Variants in PROKR2 observed in about 807,000 individuals in gnomAD.
The protein encoded by PROKR2 is prokineticin receptor 2.
Under a neutral mutation model 23.4 loss-of-function variants are expected in PROKR2, and 26 were observed. That is an observed-to-expected ratio of 1.11 (90% confidence interval 0.81 to 1.54). The LOEUF (loss-of-function observed/expected upper bound fraction) is 1.54, where lower values mean the gene tolerates loss of function less well. Ranked by LOEUF, PROKR2 falls within the 40% of genes most tolerant of loss-of-function variation. PROKR2 has a pLI of 0.00. For synonymous variants in PROKR2, 212 were observed against 201.2 expected (o/e 1.05, Z -0.45); for missense variants, 453 against 511.5 (o/e 0.89, Z 1.10).
At position 5,301,931 on chromosome 20, in the gene PROKR2, G is replaced by C. The variant is rs567920277; in HGVS notation, c.*109C>G. ...AGCATTCAGCTTCTTGAGGGCACGGGGGAGGCATGAACACAGATGTCATTT... is the reference window on the plus strand; with the variant it reads ...AGCATTCAGCTTCTTGAGGGCACGGCGGAGGCATGAACACAGATGTCATTT... On this transcript the variant is annotated 3_prime_UTR_variant, in exon 3 of 3. Transcript: ENST00000678254. 40 of 993,186 alleles carry C rather than the reference G, an allele frequency of 4.0e-5. No individual in the cohort carries two copies. The South Asian group carries it at 5.9e-4, about 15-fold the overall frequency. The allele number at this position is 993,186 out of a possible 1,614,324, so 61.5% of individuals were successfully genotyped here.
Position 5,314,049 on chromosome 20 carries a change from G to T in PROKR2, c.321C>A (p.Cys107Ter). Residue 107 changes from cysteine (C) to a stop codon, truncating the protein, a stop_gained, in exon 2 of 3, where the codon TGC becomes TGA. Transcript: ENST00000678254. LOFTEE classifies it high-confidence loss of function. ...ISDFLVAIIC[C>*]PFEMDYYVVR... ...CCACGTAGTAGTCCATCTCGAAGGG[G>T]CAGCAGATGATGGCCACCAGGAAGT... 2 of 1,614,214 alleles carry T rather than the reference G, an allele frequency of 1.2e-6. No homozygotes were observed. The highest frequency in any genetic ancestry group is 1.7e-6 in the Non-Finnish European group (2 of 1,180,024).
chr20:5,304,853 G>A (rs1979160105), intron 2 of PROKR2, among the ~76,000 whole-genome samples: 1 of 152,140 alleles, frequency 6.6e-6, no homozygotes, highest in Non-Finnish European at 1.5e-5. Context: ...GCTGCTCTGC[G>A]ACCTATCAGA....
intron 2 of PROKR2, among the ~76,000 whole-genome samples, chr20:5,311,125 A>C (rs1416950232): frequency 6.6e-6 from 1 of 152,176 alleles, no homozygotes; most frequent in East Asian, 1.9e-4. Context: ...ATGGATGAGT[A>C]TGGATTTCAG....
chr20:5,302,287 G>A lies in PROKR2; in HGVS notation c.908C>T (p.Thr303Ile). Residue 303 changes from threonine (T) to isoleucine (I), a missense_variant, in exon 3 of 3, where the codon ACT (threonine) becomes ATT (isoleucine). Coordinates refer to ENST00000678254, the MANE Select transcript of PROKR2 (RefSeq NM_144773.4). ...GFTIVRDFFP[T>I]VFVKEKHYLT... ...GTAGTGCTTTTCCTTCACGAACACAGTGGGGAAGAAGTCACGAACGATGGT... is the reference window on the plus strand; with the variant it reads ...GTAGTGCTTTTCCTTCACGAACACAATGGGGAAGAAGTCACGAACGATGGT... 6.2e-7 allele frequency: 1 copy of A among 1,614,260 alleles called. No individual in the cohort carries two copies. The highest frequency in any genetic ancestry group is 8.5e-7 in the Non-Finnish European group (1 of 1,180,046).
In PROKR2 at chr20:5,302,631, C is replaced by T. The variant is rs776913520; in HGVS notation, c.564G>A (p.Ser188=). The T allele has an allele frequency of 6.7e-5, 108 of 1,613,982 alleles. No homozygotes were observed. The highest frequency in any genetic ancestry group is 4.5e-4 in the Admixed American group (27 of 59,984). Residue 188 remains serine, a synonymous_variant, in exon 3 of 3, where the codon TCG becomes TCA. Transcript: ENST00000678254. ...WMVSILIAIP[S]AYFATETVLF... is the part of the protein sequence containing the mutation. ...GGACCGTTTCTGTTGCAAAGTAAGC[C>T]GATGGGATGGCAATGAGAATGGACA...
At position 5,314,346 on chromosome 20, in the gene PROKR2, G is replaced by A. The variant is rs1979575024; in HGVS notation, c.24C>T (p.Thr8=). Residue 8 remains threonine (T), a synonymous_variant, in exon 2 of 3, where the codon ACC becomes ACT. Coordinates refer to ENST00000678254, the MANE Select transcript of PROKR2 (RefSeq NM_144773.4). Reference sequence around the variant, plus strand: ...GTGGATTAAAGTTGGGTGTGAAACTGGTGTTTCCATTCTGGGCTGCCATGG... The same window carrying A: ...GTGGATTAAAGTTGGGTGTGAAACTAGTGTTTCCATTCTGGGCTGCCATGG... The part of the protein sequence containing the change: MAAQNGN[T]SFTPNFNPPQ... The A allele has an allele frequency of 6.2e-7, 1 of 1,614,140 alleles. No homozygotes were observed. Among genetic ancestry groups the A allele is most frequent in the African/African-American group, 1.3e-5 (1 of 75,040 alleles).
At chr20:5,304,673 G>A (rs76666284) in intron 2 of PROKR2, among the ~76,000 whole-genome samples, 1 of 152,206 alleles carries the variant, frequency 6.6e-6, no homozygotes, top group Non-Finnish European at 1.5e-5. Context: ...ATCACTTCAT[G>A]TGGAGAACAA....
In PROKR2 at chr20:5,299,718, G is replaced by T. The variant is rs144822137; in HGVS notation, c.*2322C>A. 1.6e-3 allele frequency among the ~76,000 whole-genome samples: 248 copies of T among 152,250 alleles called. 1 individual carries two copies. Among genetic ancestry groups the T allele is most frequent in the African/African-American group, 5.7e-3 (235 of 41,552 alleles). On this transcript the variant is annotated 3_prime_UTR_variant, in exon 3 of 3. Coordinates refer to ENST00000678254, the MANE Select transcript of PROKR2 (RefSeq NM_144773.4). ...CAATTCACTGCAACCTCTGCCTCTG[G>T]GGTTCAAGCAATTCTCATGCCTCAG...
rs939255396 is a variant in PROKR2, at chr20:5,316,910, G to A, written c.-425C>T. On this transcript the variant is annotated 5_prime_UTR_variant, in exon 1 of 3. Coordinates refer to ENST00000678254, the MANE Select transcript of PROKR2 (RefSeq NM_144773.4). This position sits in a 1 kb window ranked among gnomAD's most constrained non-coding sequence, Gnocchi z 5.0. ...CGCGCTGACGCGAGTCCCCGGCAGC[G>A]GGGGCAGCCTCTCGCACGGATTTCA... Among the ~76,000 whole-genome samples, 1 of 152,254 alleles carries A rather than the reference G, an allele frequency of 6.6e-6. No homozygotes were observed. Among genetic ancestry groups the A allele is most frequent in the African/African-American group, 2.4e-5 (1 of 41,472 alleles).
At chr20:5,314,741 C>A (rs1979593290) in intron 1 of PROKR2, among the ~76,000 whole-genome samples, 1 of 152,236 alleles carries the variant, frequency 6.6e-6, no homozygotes. Flanking sequence ...TGCACCTTTG[C>A]CCTTTGCCCA....
At chr20:5,314,950 CAGG>C (rs1979606271) in intron 1 of PROKR2, among the ~76,000 whole-genome samples, 1 of 152,198 alleles carries the variant, frequency 6.6e-6, no homozygotes, top group Non-Finnish European at 1.5e-5. Flanking sequence ...CTCTCCAAAG[CAGG>C]ACACCACTCC....
chr20:5,300,638 C>T lies in PROKR2; in HGVS notation c.*1402G>A, dbSNP rs1230757627. On this transcript the variant is annotated 3_prime_UTR_variant, in exon 3 of 3. Transcript: ENST00000678254. ...TTTCATCATCGCCATTTCATTAAAG[C>T]AAAACTGAGACACAGAGAGAAAACA... Among the ~76,000 whole-genome samples, 1 of 152,188 alleles carries T rather than the reference C, an allele frequency of 6.6e-6. No individual in the cohort carries two copies. The highest frequency in any genetic ancestry group is 2.4e-5 in the African/African-American group (1 of 41,444).
At chr20:5,315,219 G>T (rs34910115) in intron 1 of PROKR2, among the ~76,000 whole-genome samples, 51,510 of 150,166 alleles carry the variant, frequency 0.34, 9,148 homozygotes, top group East Asian at 0.43. Flanking sequence ...TCCCCGTTCT[G>T]TGGGAACCAG....
At chr20:5,307,827 CT>C (rs1242976514) in intron 2 of PROKR2, among the ~76,000 whole-genome samples, 1 of 152,216 alleles carries the variant, frequency 6.6e-6, no homozygotes, top group African/African-American at 2.4e-5. Context: ...CTATTAATAG[CT>C]CTTAATAAGA....
intron 1 of PROKR2, among the ~76,000 whole-genome samples, chr20:5,314,782 C>T (rs1979595434): frequency 6.6e-6 from 1 of 152,222 alleles, no homozygotes; most frequent in Non-Finnish European, 1.5e-5. Flanking sequence ...TGCCCAGTCA[C>T]ATCCTCCAGC....
intron 2 of PROKR2, among the ~76,000 whole-genome samples, chr20:5,309,342 G>A (rs6053283): frequency 0.19 from 29,225 of 152,130 alleles, 3,312 homozygotes; most frequent in Non-Finnish European, 0.24. Context: ...TCAAGATGTT[G>A]GCAAGGCAGC....
At position 5,316,406 on chromosome 20, in the gene PROKR2, G is replaced by GA; in HGVS notation, c.-9+87dup. The GA allele has an allele frequency of 2.2e-6, 1 of 456,008 alleles. No individual in the cohort carries two copies. Among genetic ancestry groups the GA allele is most frequent in the Non-Finnish European group, 4.4e-6 (1 of 226,796 alleles). The allele number at this position is 456,008 out of a possible 1,614,324, so 28.2% of individuals were successfully genotyped here. ...GAGGCAAAGCAGCCGGAATGCCCGA[G>GA]AAAAAAGTGGGCGTCAGAGGCCCTT... is the stretch of plus-strand genomic sequence containing the variant. On this transcript the variant is annotated intron_variant, in intron 1 of 2. Transcript: ENST00000678254. This position sits in a 1 kb window ranked among gnomAD's most constrained non-coding sequence, Gnocchi z 5.0.
chr20:5,305,716 G>C (rs1979194828), intron 2 of PROKR2, among the ~76,000 whole-genome samples: 1 of 152,184 alleles, frequency 6.6e-6, no homozygotes, highest in Admixed American at 6.5e-5. Context: ...GTAGGTACAG[G>C]AGCGGATATT....
rs189446102 is a variant in PROKR2 at position 5,300,529 on chromosome 20, G to A, written c.*1511C>T. ...TCAATATCACTTCTCCATTCTTATC[G>A]TGTGCACAGTTGAAAAGCACATTCA... is the stretch of plus-strand genomic sequence containing the variant. On this transcript the variant is annotated 3_prime_UTR_variant, in exon 3 of 3. Transcript: ENST00000678254. Among the ~76,000 whole-genome samples, 7 of 152,232 alleles carry A rather than the reference G, an allele frequency of 4.6e-5. No individual in the cohort carries two copies. Among genetic ancestry groups the A allele is most frequent in the African/African-American group, 1.7e-4 (7 of 41,532 alleles).
Sources: allele counts gnomAD v4.1 joint callset (sites outside exome capture counted in the v4.1 genomes callset), GRCh38; gene constraint gnomAD v4.1.1; non-coding constraint Gnocchi (gnomAD v3.1); transcripts MANE v1.5; gene names NCBI Gene and HGNC (gene_info 2026-07-23, HGNC 2026-07-21).